Variants in CBLN2 observed in about 807,000 individuals in gnomAD.
CBLN2 encodes the protein cerebellin 2 precursor, also known as cerebellin-2.
In CBLN2, 7 loss-of-function variants were observed where a neutral mutation model predicts 15.0. The observed-to-expected ratio is 0.47, with a 90% confidence interval of 0.27 to 0.88. The LOEUF (loss-of-function observed/expected upper bound fraction) is 0.88. Among genes scored for constraint, CBLN2 ranks in the 40% least tolerant of loss-of-function variants. CBLN2 has a pLI of 0.14. For missense variants in CBLN2, 242 were observed against 304.5 expected (o/e 0.79, Z 1.53); for synonymous variants, 149 against 135.2 (o/e 1.10, Z -0.71).
chr18:72,543,947 C>G lies in CBLN2; in HGVS notation c.-212+30G>C, dbSNP rs189061764. On this transcript the variant is annotated intron_variant, in intron 1 of 4. Transcript: ENST00000269503. The surrounding 1 kb of genome is among the most constrained non-coding windows in gnomAD (Gnocchi z 6.8). The stretch of plus-strand genomic sequence containing the variant: ...GAACCTTCCCTGCTCCCAAGCCCGC[C>G]GCACCCTCCAACGCCCCGGTCCTGC... The G allele has an allele frequency of 6.5e-6, 1 of 153,030 alleles. No homozygotes were observed. Among genetic ancestry groups the G allele is most frequent in the Non-Finnish European group, 1.5e-5 (1 of 68,830 alleles). 9.5% of individuals were successfully genotyped at this position (153,030 alleles called of 1,614,324 possible). A position where few individuals can be genotyped will look rare whatever the true frequency, so the allele number is the denominator to read the frequency against.
At chr18:72,567,317 T>C (rs892615784) in intron 1 of CBLN2, among the ~76,000 whole-genome samples, 2 of 151,984 alleles carry the variant, frequency 1.3e-5, no homozygotes, top group South Asian at 2.1e-4. Flanking sequence ...GAATTCTTTT[T>C]AAAAAAAATC....
intron 3 of CBLN2, among the ~76,000 whole-genome samples, chr18:72,541,557 T>C (rs892960663): frequency 1.3e-5 from 2 of 152,170 alleles, no homozygotes; most frequent in Non-Finnish European, 2.9e-5. Context: ...TAGACAGCCT[T>C]AAGGGACTCT....
chr18:72,571,500 G>C (rs1039127590), intron 1 of CBLN2, among the ~76,000 whole-genome samples: 3 of 152,194 alleles, frequency 2.0e-5, no homozygotes, highest in African/African-American at 7.2e-5. Context: ...GAAATTTATG[G>C]AGTAAGTAAA....
chr18:72,627,635 T>C (rs956624370), intron 1 of CBLN2, among the ~76,000 whole-genome samples: 5 of 152,228 alleles, frequency 3.3e-5, no homozygotes, highest in Non-Finnish European at 7.3e-5. Flanking sequence ...TTGAGGACAC[T>C]GTATTTATAA....
intron 1 of CBLN2, among the ~76,000 whole-genome samples, chr18:72,576,101 T>C (rs1356550849): frequency 2.0e-5 from 3 of 152,228 alleles, no homozygotes; most frequent in Non-Finnish European, 4.4e-5. Context: ...TAGCTAAAAC[T>C]AACATTAAAC....
At chr18:72,557,759 G>C (rs1034979227) in intron 1 of CBLN2, among the ~76,000 whole-genome samples, 2 of 152,148 alleles carry the variant, frequency 1.3e-5, no homozygotes, top group Admixed American at 1.3e-4. Flanking sequence ...CTTTTCAGAG[G>C]TGGGGTGCGG....
chr18:72,602,925 C>T (rs1344011213), intron 1 of CBLN2, among the ~76,000 whole-genome samples: 3 of 152,186 alleles, frequency 2.0e-5, no homozygotes, highest in Non-Finnish European at 4.4e-5. Flanking sequence ...TTGAACCCTA[C>T]CTGATTCCAC....
Position 72,537,345 on chromosome 18 carries a change from T to G in CBLN2, c.*831A>C, listed in dbSNP as rs1410024095. 6.6e-6 allele frequency: 1 copy of G among 152,204 alleles called. No homozygotes were observed. Among genetic ancestry groups the G allele is most frequent in the Non-Finnish European group, 1.5e-5 (1 of 68,042 alleles). The allele number at this position is 152,204 out of a possible 1,614,324, so 9.4% of individuals were successfully genotyped here. ...AATTGTCCATTGTGTTACTTTTACTTTGATAAACAGATACTTTTTGTTTAG... is the reference window on the plus strand; with the variant it reads ...AATTGTCCATTGTGTTACTTTTACTGTGATAAACAGATACTTTTTGTTTAG... On this transcript the variant is annotated 3_prime_UTR_variant, in exon 5 of 5. Coordinates refer to ENST00000269503, the MANE Select transcript of CBLN2 (RefSeq NM_182511.4).
At chr18:72,613,822 C>T (rs1231712355) in intron 1 of CBLN2, among the ~76,000 whole-genome samples, 6 of 152,184 alleles carry the variant, frequency 3.9e-5, no homozygotes, top group Non-Finnish European at 8.8e-5. Context: ...CTTGTTGACT[C>T]AGGAAGTGAA....
chr18:72,577,512 G>A lies in CBLN2; in HGVS notation c.16-38740C>T, dbSNP rs2069375802. ...CCACAGCAAAGCATCCCATTTGAAT[G>A]TGAGCTTCAGCAATTGAGAAAAACA... On this transcript the variant is annotated intron_variant, in intron 1 of 2. Coordinates refer to the CBLN2 transcript ENST00000581073. Among the ~76,000 whole-genome samples the A allele has an allele frequency of 2.0e-5, 3 of 152,180 alleles. No homozygotes were observed. In the South Asian group the frequency reaches 6.2e-4, roughly 31 times the overall value.
At position 72,589,581 on chromosome 18, in the gene CBLN2, G is replaced by T. The variant is rs114448355; in HGVS notation, c.15+48744C>A. ...AATCAAAACAAGGTCACAGCCTAGGGATATTAAATAAAGATTAAAAATGAA... is the reference window on the plus strand; with the variant it reads ...AATCAAAACAAGGTCACAGCCTAGGTATATTAAATAAAGATTAAAAATGAA... On this transcript the variant is annotated intron_variant, in intron 1 of 2. Transcript: ENST00000581073. Among the ~76,000 whole-genome samples the T allele has an allele frequency of 4.4e-3, 675 of 152,234 alleles. 5 individuals are homozygous for T. Among genetic ancestry groups the T allele is most frequent in the African/African-American group, 0.016 (655 of 41,532 alleles).
intron 1 of CBLN2, among the ~76,000 whole-genome samples, chr18:72,630,588 G>T (rs2069769609): frequency 6.6e-6 from 1 of 150,484 alleles, no homozygotes; most frequent in Non-Finnish European, 1.5e-5. Context: ...GAGAGAGAGA[G>T]GCTTTCTGTA....
chr18:72,618,753 C>T (rs2069679905), intron 1 of CBLN2: 1 of 726,100 alleles, frequency 1.4e-6, no homozygotes, highest in African/African-American at 1.7e-5. Context: ...ATGACACTGT[C>T]ATTCAGAAAT....
chr18:72,620,810 T>A (rs1032962664), intron 1 of CBLN2, among the ~76,000 whole-genome samples: 1 of 152,174 alleles, frequency 6.6e-6, no homozygotes, highest in East Asian at 1.9e-4. Flanking sequence ...ATTTTGCCTT[T>A]CCAAAATTGG....
At chr18:72,595,885 A>G (rs187743396) in intron 1 of CBLN2, among the ~76,000 whole-genome samples, 2 of 151,808 alleles carry the variant, frequency 1.3e-5, no homozygotes, top group Admixed American at 1.3e-4. Context: ...GTCTTTTTCC[A>G]TTCCCTTATT....
At chr18:72,544,767 C>G (rs1187298864), upstream of CBLN2, among the ~76,000 whole-genome samples, 1 of 152,068 alleles carries the variant, frequency 6.6e-6, no homozygotes, top group African/African-American at 2.4e-5. Flanking sequence ...ACAAACAACT[C>G]TGCCAAGATG....
intron 1 of CBLN2, among the ~76,000 whole-genome samples, chr18:72,629,239 T>G (rs2069759761): frequency 6.6e-6 from 1 of 152,192 alleles, no homozygotes; most frequent in South Asian, 2.1e-4. Flanking sequence ...TCAACTATAC[T>G]AACAACATAG....
chr18:72,633,481 TCAC>T (rs1438353836), intron 1 of CBLN2, among the ~76,000 whole-genome samples: 1 of 152,168 alleles, frequency 6.6e-6, no homozygotes, highest in Non-Finnish European at 1.5e-5. Flanking sequence ...GCTTAAAACA[TCAC>T]CAGCTTATTA....
intron 1 of CBLN2, among the ~76,000 whole-genome samples, chr18:72,583,555 TA>T (rs1355450343): frequency 6.6e-6 from 1 of 152,218 alleles, no homozygotes; most frequent in Non-Finnish European, 1.5e-5. Flanking sequence ...TTTTTCAACT[TA>T]AAAACATTAA....
Sources: gnomAD v4.1 joint callset for allele counts (sites outside exome capture counted in the v4.1 genomes callset) on GRCh38, gnomAD v4.1.1 for gene constraint, Gnocchi (gnomAD v3.1) non-coding constraint, MANE v1.5 for transcripts, NCBI Gene and HGNC (gene_info 2026-07-23, HGNC 2026-07-21) for gene names.